The following MAPK8 variants were observed in gnomAD, a reference collection of about 807,000 sequenced individuals.
MAPK8 encodes the protein mitogen-activated protein kinase 8.
A neutral mutation model predicts 52.9 loss-of-function variants in MAPK8; 13 were observed. That is an observed-to-expected ratio of 0.25 (90% CI 0.16 to 0.39). The LOEUF is 0.39. Ranked by LOEUF, MAPK8 falls within the 10% of genes least tolerant of loss-of-function variation. The pLI is 1.00. For synonymous variants in MAPK8, 191 were observed against 169.8 expected (o/e 1.12, Z -0.97); for missense variants, 300 against 519.2 (o/e 0.58, Z 4.10).
chr10:48,370,109 A>C (rs1848412878), intron 1 of MAPK8, among the ~76,000 whole-genome samples: 1 of 152,132 alleles, frequency 6.6e-6, no homozygotes, highest in Admixed American at 6.6e-5. Context: ...AGATCAGGAG[A>C]TTCTTCAGGG....
chr10:48,373,170 A>C (rs1480265089), intron 1 of MAPK8, among the ~76,000 whole-genome samples: 1 of 152,174 alleles, frequency 6.6e-6, no homozygotes, highest in East Asian at 1.9e-4. Flanking sequence ...AAAATCCTTT[A>C]CAGACAAGCA....
At chr10:48,389,503 G>A (rs752767063) in intron 1 of MAPK8, among the ~76,000 whole-genome samples, 8 of 152,190 alleles carry the variant, frequency 5.3e-5, no homozygotes, top group Non-Finnish European at 8.8e-5. Context: ...AATGGCTTAT[G>A]AAGTGGCCTG....
At chr10:48,400,117 A>G (rs1367349267) in intron 1 of MAPK8, among the ~76,000 whole-genome samples, 1 of 152,214 alleles carries the variant, frequency 6.6e-6, no homozygotes, top group Non-Finnish European at 1.5e-5. Context: ...CAATCCCTGT[A>G]TGTGAGCATT....
At chr10:48,320,622 T>G (rs1842911038) in intron 1 of MAPK8, among the ~76,000 whole-genome samples, 1 of 152,210 alleles carries the variant, frequency 6.6e-6, no homozygotes, top group East Asian at 1.9e-4. Flanking sequence ...GATGGGCATT[T>G]GGATTGTTTA....
intron 1 of MAPK8, among the ~76,000 whole-genome samples, chr10:48,377,902 A>C (rs762119977): frequency 2.6e-5 from 4 of 152,182 alleles, no homozygotes; most frequent in Non-Finnish European, 4.4e-5. Flanking sequence ...ACATTGTTAA[A>C]TTGTAAGGTG....
At chr10:48,320,900 G>A (rs964091195) in intron 1 of MAPK8, among the ~76,000 whole-genome samples, 7 of 152,090 alleles carry the variant, frequency 4.6e-5, no homozygotes, top group African/African-American at 1.4e-4. Context: ...TGTCTGTCTT[G>A]AAAATAGCCA....
At chr10:48,380,552 T>C (rs2040935746) in intron 1 of MAPK8, among the ~76,000 whole-genome samples, 1 of 151,648 alleles carries the variant, frequency 6.6e-6, no homozygotes, top group Admixed American at 6.6e-5. Context: ...GCTAACATGG[T>C]GAAACCCCAT....
chr10:48,331,037 C>T (rs953891573), intron 1 of MAPK8, among the ~76,000 whole-genome samples: 1 of 152,144 alleles, frequency 6.6e-6, no homozygotes, highest in Admixed American at 6.5e-5. Flanking sequence ...TGGCAGGGAG[C>T]CCTTGGACAG....
At chr10:48,338,891 T>G (rs1467234090) in intron 1 of MAPK8, among the ~76,000 whole-genome samples, 1 of 151,844 alleles carries the variant, frequency 6.6e-6, no homozygotes, top group Non-Finnish European at 1.5e-5. Context: ...AAGGGAAAGA[T>G]CTCTACAAAG....
chr10:48,382,352 A>G (rs1169443141), intron 1 of MAPK8, among the ~76,000 whole-genome samples: 1 of 152,222 alleles, frequency 6.6e-6, no homozygotes, highest in Non-Finnish European at 1.5e-5. Context: ...CATTAACTTG[A>G]AAAATATTTG....
chr10:48,321,958 A>G (rs1843041198), intron 1 of MAPK8, among the ~76,000 whole-genome samples: 1 of 152,218 alleles, frequency 6.6e-6, no homozygotes, highest in Non-Finnish European at 1.5e-5. Flanking sequence ...AGATACACAC[A>G]GAGGTGTGTG....
At chr10:48,382,612 G>A (rs145757427) in intron 1 of MAPK8, among the ~76,000 whole-genome samples, 74 of 151,836 alleles carry the variant, frequency 4.9e-4, no homozygotes, top group African/African-American at 1.8e-3. Context: ...TAAATAACAA[G>A]TAGCAAATTT....
intron 1 of MAPK8, among the ~76,000 whole-genome samples, chr10:48,313,524 G>T (rs1842186478): frequency 1.4e-5 from 2 of 147,176 alleles, no homozygotes; most frequent in South Asian, 4.3e-4. Flanking sequence ...GGTGAATAAA[G>T]ATTATAAAAT....
At chr10:48,418,365 T>G (rs2043176001) in intron 5 of MAPK8, among the ~76,000 whole-genome samples, 1 of 152,202 alleles carries the variant, frequency 6.6e-6, no homozygotes, top group Non-Finnish European at 1.5e-5. Flanking sequence ...AGATAAACCC[T>G]TAATTCTCAG....
chr10:48,412,734 G>GACTA (rs1332784800), intron 5 of MAPK8, among the ~76,000 whole-genome samples: 8 of 152,192 alleles, frequency 5.3e-5, no homozygotes, highest in African/African-American at 1.9e-4. Context: ...TAGAGCCAAA[G>GACTA]ACTAGTTAAA....
intron 9 of MAPK8, 66 bp downstream of exon 9, chr10:48,426,570 TGGA>T (rs2043696296): frequency 1.4e-6 from 2 of 1,441,504 alleles, no homozygotes; most frequent in Admixed American, 2.3e-5. Flanking sequence ...CAGTTAGGTT[TGGA>T]GGAGACCTTT....
intron 1 of MAPK8, among the ~76,000 whole-genome samples, chr10:48,398,528 A>G (rs1401180640): frequency 6.6e-6 from 1 of 152,222 alleles, no homozygotes; most frequent in South Asian, 2.1e-4. Flanking sequence ...TCTTTGCAAG[A>G]CAGTTTGACA....
chr10:48,374,693 A>G (rs1253265220), intron 1 of MAPK8, among the ~76,000 whole-genome samples: 1 of 152,190 alleles, frequency 6.6e-6, no homozygotes, highest in East Asian at 1.9e-4. Context: ...ACCAGGAAAA[A>G]GTTGAATCCC....
At chr10:48,424,631 G>A in intron 7 of MAPK8, 1 of 1,278,970 alleles carries the variant, frequency 7.8e-7, no homozygotes, top group Non-Finnish European at 1.1e-6. Flanking sequence ...AGGTCAAAAT[G>A]TATGATAGCA....
Sources: allele counts gnomAD v4.1 joint callset (sites outside exome capture counted in the v4.1 genomes callset), GRCh38; gene constraint gnomAD v4.1.1; transcripts MANE v1.5; gene names NCBI Gene and HGNC (gene_info 2026-07-23, HGNC 2026-07-21).